CTNND2: variants seen among roughly 807,000 people sequenced by gnomAD.
CTNND2 encodes catenin delta 2, also known as catenin delta-2.
Under a neutral mutation model 144.4 loss-of-function variants are expected in CTNND2, and 22 were observed. The observed-to-expected ratio is 0.15, with a 90% CI of 0.11 to 0.22. The LOEUF (loss-of-function observed/expected upper bound fraction) is 0.22, where lower values mean the gene tolerates loss of function less well. Ranked by LOEUF, CTNND2 falls within the 10% of genes least tolerant of loss-of-function variation. CTNND2 has a pLI of 1.00. For missense variants in CTNND2, 1,353 were observed against 1,618.8 expected (o/e 0.84, Z 2.82); for synonymous variants, 751 against 695.6 (o/e 1.08, Z -1.25).
At chr5:11,575,399 T>A (rs1400712760) in intron 2 of CTNND2, among the ~76,000 whole-genome samples, 2 of 152,150 alleles carry the variant, frequency 1.3e-5, no homozygotes, top group African/African-American at 4.8e-5. Context: ...TTAGATCACT[T>A]TTATAGCACT....
At position 11,403,877 on chromosome 5, in the gene CTNND2, G is replaced by A. The variant is rs575114234; in HGVS notation, c.440-6674C>T. Reference sequence around the variant, plus strand: ...GTGACACATCACACATTTGCCCCCCGTTGATCTGCATGGCTTGCTGGTGCA... The same window carrying A: ...GTGACACATCACACATTTGCCCCCCATTGATCTGCATGGCTTGCTGGTGCA... On this transcript the variant is annotated intron_variant, in intron 5 of 21. Coordinates refer to ENST00000304623, the MANE Select transcript of CTNND2 (RefSeq NM_001332.4). Among the ~76,000 whole-genome samples, 317 of 152,246 alleles carry A rather than the reference G, an allele frequency of 2.1e-3. 2 individuals carry two copies. Among genetic ancestry groups the A allele is most frequent in the African/African-American group, 7.2e-3 (298 of 41,534 alleles).
At chr5:11,264,103 T>C (rs1745200590) in intron 9 of CTNND2, among the ~76,000 whole-genome samples, 2 of 152,242 alleles carry the variant, frequency 1.3e-5, no homozygotes, top group South Asian at 4.1e-4. Context: ...GAATGACCAA[T>C]TAACTGAAAT....
At chr5:11,642,933 T>C (rs1037856431) in intron 2 of CTNND2, among the ~76,000 whole-genome samples, 2 of 152,220 alleles carry the variant, frequency 1.3e-5, no homozygotes, top group African/African-American at 4.8e-5. Flanking sequence ...AGACTCATGC[T>C]GCATGCATTT....
chr5:11,551,040 T>C (rs1240533165), intron 3 of CTNND2, among the ~76,000 whole-genome samples: 5 of 152,172 alleles, frequency 3.3e-5, no homozygotes, highest in African/African-American at 1.2e-4. Flanking sequence ...AAGGCCACCC[T>C]CTCTAACGTG....
intron 1 of CTNND2, among the ~76,000 whole-genome samples, chr5:11,784,262 A>G (rs1790711006): frequency 6.6e-6 from 1 of 152,254 alleles, no homozygotes; most frequent in Non-Finnish European, 1.5e-5. Context: ...ATGGGAAAAT[A>G]TAAGAGAAAT....
At chr5:11,467,455 T>C (rs1231256215) in intron 3 of CTNND2, among the ~76,000 whole-genome samples, 1 of 152,188 alleles carries the variant, frequency 6.6e-6, no homozygotes, top group Non-Finnish European at 1.5e-5. Context: ...AGATGAACGG[T>C]TATACTCCAA....
At chr5:11,199,198 A>G (rs1737176740) in intron 11 of CTNND2, among the ~76,000 whole-genome samples, 1 of 152,176 alleles carries the variant, frequency 6.6e-6, no homozygotes, top group Non-Finnish European at 1.5e-5. Flanking sequence ...TACTTCATCC[A>G]CTGACAAAAA....
chr5:11,409,183 T>C (rs991236512), intron 5 of CTNND2, among the ~76,000 whole-genome samples: 1 of 152,064 alleles, frequency 6.6e-6, no homozygotes, highest in African/African-American at 2.4e-5. Context: ...TTTGATTCAG[T>C]AAATATCCAG....
At chr5:11,623,566 GTGAAAAT>G (rs1379623471) in intron 2 of CTNND2, among the ~76,000 whole-genome samples, 8 of 151,740 alleles carry the variant, frequency 5.3e-5, no homozygotes, top group African/African-American at 1.9e-4. Flanking sequence ...TATCAGCAGT[GTGAAAAT>G]GGACTAATAC....
chr5:10,998,310 G>A (rs187878525), intron 18 of CTNND2, among the ~76,000 whole-genome samples: 44 of 152,302 alleles, frequency 2.9e-4, no homozygotes, highest in East Asian at 9.6e-4. Flanking sequence ...GGGACTGCAT[G>A]CCTGTGGGTA....
At chr5:11,713,295 T>C (rs2086901728) in intron 2 of CTNND2, among the ~76,000 whole-genome samples, 1 of 152,094 alleles carries the variant, frequency 6.6e-6, no homozygotes, top group Non-Finnish European at 1.5e-5. Context: ...AAATACAATA[T>C]GTAAGCCAGG....
chr5:11,635,876 A>T (rs528295214), intron 2 of CTNND2, among the ~76,000 whole-genome samples: 33 of 151,382 alleles, frequency 2.2e-4, no homozygotes, highest in African/African-American at 7.8e-4. Context: ...ACCAGCTTCC[A>T]CTCCTACTCT....
chr5:11,256,825 T>TCAGCACTA (rs1158742281), intron 9 of CTNND2, among the ~76,000 whole-genome samples: 3 of 152,170 alleles, frequency 2.0e-5, no homozygotes, highest in African/African-American at 7.2e-5. Context: ...TTTCTCAACC[T>TCAGCACTA]CAGCACTACT....
At chr5:11,302,047 G>A (rs1410491298) in intron 9 of CTNND2, among the ~76,000 whole-genome samples, 1 of 152,102 alleles carries the variant, frequency 6.6e-6, no homozygotes, top group Non-Finnish European at 1.5e-5. Flanking sequence ...CCATGAGCTG[G>A]AGCTGAGAGG....
intron 16 of CTNND2, among the ~76,000 whole-genome samples, chr5:11,041,073 G>A (rs13185433): frequency 0.23 from 34,562 of 152,132 alleles, 5,020 homozygotes; most frequent in Admixed American, 0.36. Context: ...CCTCCAACCT[G>A]AGCGACATTG....
intron 3 of CTNND2, among the ~76,000 whole-genome samples, chr5:11,452,119 A>G (rs1353225524): frequency 1.3e-5 from 2 of 152,252 alleles, no homozygotes; most frequent in African/African-American, 2.4e-5. Flanking sequence ...CTGCACAGAT[A>G]AGAATTACTA....
At chr5:11,064,488 G>C (rs1747338016) in intron 16 of CTNND2, among the ~76,000 whole-genome samples, 1 of 151,960 alleles carries the variant, frequency 6.6e-6, no homozygotes, top group South Asian at 2.1e-4. Context: ...TGAGAAGAGA[G>C]GAGTCTGCAG....
chr5:11,890,485 T>C (rs1323096014), intron 1 of CTNND2, among the ~76,000 whole-genome samples: 1 of 152,174 alleles, frequency 6.6e-6, no homozygotes, highest in Non-Finnish European at 1.5e-5. Flanking sequence ...TCCCTTCAGA[T>C]AGACTATCCG....
At chr5:11,778,172 C>T (rs934520904) in intron 1 of CTNND2, among the ~76,000 whole-genome samples, 1 of 152,190 alleles carries the variant, frequency 6.6e-6, no homozygotes, top group South Asian at 2.1e-4. Flanking sequence ...CATACAACAC[C>T]GTTCAGCTGG....
Sources: gnomAD v4.1 joint callset for allele counts (sites outside exome capture counted in the v4.1 genomes callset) on GRCh38, gnomAD v4.1.1 for gene constraint, MANE v1.5 for transcripts, NCBI Gene and HGNC (gene_info 2026-07-23, HGNC 2026-07-21) for gene names.